Variants in FKTN observed in about 807,000 individuals in gnomAD.
FKTN encodes the protein ribitol-5-phosphate transferase FKTN.
FKTN carries 47 observed loss-of-function variants against 58.6 expected under a neutral mutation model. The observed-to-expected ratio is 0.80, with a 90% CI of 0.63 to 1.02. The LOEUF is 1.02. Among genes scored for constraint, FKTN ranks in the 50% least tolerant of loss-of-function variants. The pLI is 0.00. For synonymous variants in FKTN, 178 were observed against 191.9 expected, an observed-to-expected ratio of 0.93 and a Z score of 0.60; for missense variants, 516 against 537.3, an observed-to-expected ratio of 0.96 and a Z score of 0.39.
chr9:105,590,932 C>T lies in FKTN; in HGVS notation c.106-5666C>T, dbSNP rs545318258. ...GCAGCAGGTGAAGGGGGAGCCCGCACCTCACATGGCCAGAGCAGGAGGAAA... is the reference window on the plus strand; with the variant it reads ...GCAGCAGGTGAAGGGGGAGCCCGCATCTCACATGGCCAGAGCAGGAGGAAA... On this transcript the variant is annotated intron_variant, in intron 3 of 10. Transcript: ENST00000357998. 4.6e-5 allele frequency among the ~76,000 whole-genome samples: 7 copies of T among 152,234 alleles called. No individual in the cohort carries two copies. In the South Asian group the frequency reaches 1.5e-3, roughly 32 times the overall value.
Position 105,637,544 on chromosome 9 carries a change from T to A in FKTN, c.*2280T>A, listed in dbSNP as rs1024366. 1.2e-5 allele frequency: 12 copies of A among 985,292 alleles called. No homozygotes were observed. The South Asian group carries it at 5.6e-4, about 46-fold the overall frequency. 61.0% of individuals were successfully genotyped at this position (985,292 alleles called of 1,614,324 possible). A position where few individuals can be genotyped will look rare whatever the true frequency, so the allele number is the denominator to read the frequency against. On this transcript the variant is annotated 3_prime_UTR_variant, in exon 11 of 11. Transcript: ENST00000357998. ...TACTTCATCTTATGTATTTTAACAG[T>A]TGGGTTCTGTGGAGTGTCCAGAGAC...
At chr9:105,607,779 C>T in intron 6 of FKTN, 40 bp from the exon 7 acceptor site, 2 of 1,502,814 alleles carry the variant, frequency 1.3e-6, no homozygotes, top group Non-Finnish European at 1.9e-6. Flanking sequence ...CTCCCTGTTT[C>T]CCCCACCCCT....
chr9:105,609,242 TTAATC>T (rs1829466312), intron 7 of FKTN, among the ~76,000 whole-genome samples: 1 of 152,120 alleles, frequency 6.6e-6, no homozygotes, highest in Non-Finnish European at 1.5e-5. Flanking sequence ...AAGCAATAAA[TTAATC>T]TAATAGACCT....
intron 3 of FKTN, among the ~76,000 whole-genome samples, chr9:105,575,775 A>G (rs893731406): frequency 2.0e-5 from 3 of 152,060 alleles, no homozygotes; most frequent in Middle Eastern, 3.2e-3. Context: ...TTTTGTTTTT[A>G]TGTTTTTATC....
chr9:105,590,280 T>C (rs1043508101), intron 3 of FKTN, among the ~76,000 whole-genome samples: 2 of 152,188 alleles, frequency 1.3e-5, no homozygotes, highest in African/African-American at 2.4e-5. Context: ...CTCCTTTTGC[T>C]TGATTCTGAT....
At chr9:105,584,437 C>G in intron 3 of FKTN, among the ~76,000 whole-genome samples, 1 of 151,994 alleles carries the variant, frequency 6.6e-6, no homozygotes, top group South Asian at 2.1e-4. Flanking sequence ...ATTATTCATA[C>G]TAGATTCTTG....
intron 3 of FKTN, among the ~76,000 whole-genome samples, chr9:105,584,689 G>A (rs542413287): frequency 1.1e-4 from 16 of 152,140 alleles, no homozygotes; most frequent in South Asian, 6.2e-4. Flanking sequence ...GCATGGTGGC[G>A]TGTGCCTGTA....
intron 7 of FKTN, among the ~76,000 whole-genome samples, chr9:105,614,034 T>G (rs748802906): frequency 6.6e-6 from 1 of 152,094 alleles, no homozygotes; most frequent in South Asian, 2.1e-4. Flanking sequence ...TGTGGTATAT[T>G]TGGGGGTTTA....
intron 10 of FKTN, among the ~76,000 whole-genome samples, chr9:105,624,113 G>A (rs573764965): frequency 3.9e-5 from 6 of 152,076 alleles, no homozygotes; most frequent in Non-Finnish European, 7.4e-5. Flanking sequence ...ATATTGCCAG[G>A]TTGCATTCCT....
chr9:105,616,491 A>G (rs1051544356), intron 8 of FKTN, among the ~76,000 whole-genome samples: 3 of 152,194 alleles, frequency 2.0e-5, no homozygotes, highest in South Asian at 2.1e-4. Flanking sequence ...GCAGGTTGCT[A>G]TTAGAATCTG....
At chr9:105,596,407 G>A (rs1826810740) in intron 3 of FKTN, among the ~76,000 whole-genome samples, 191 bp from the exon 4 acceptor site, 1 of 152,060 alleles carries the variant, frequency 6.6e-6, no homozygotes, top group Non-Finnish European at 1.5e-5. Context: ...ATCTATCGAT[G>A]TTTTCCATCT....
At chr9:105,569,715 A>G (rs907583502) in intron 1 of FKTN, among the ~76,000 whole-genome samples, 3 of 152,190 alleles carry the variant, frequency 2.0e-5, no homozygotes, top group African/African-American at 7.2e-5. Context: ...TACCATAATT[A>G]TATATTAATC....
chr9:105,582,749 A>T (rs1353087344), intron 3 of FKTN, among the ~76,000 whole-genome samples: 1 of 152,202 alleles, frequency 6.6e-6, no homozygotes, highest in African/African-American at 2.4e-5. Flanking sequence ...TTCTAGATCT[A>T]ATATGCACAT....
intron 4 of FKTN, chr9:105,598,166 A>G (rs1435755752): frequency 2.1e-6 from 1 of 468,470 alleles, no homozygotes. Context: ...AAAGTTGAAG[A>G]GCAGCTTACC....
At position 105,564,665 on chromosome 9, in the gene FKTN, C is replaced by T. The variant is rs187464398; in HGVS notation, c.-181+6500C>T. On this transcript the variant is annotated intron_variant, in intron 1 of 10. Transcript: ENST00000357998. The stretch of plus-strand genomic sequence containing the variant: ...GGACTATGTGAAAAGACCAAATCTG[C>T]GTCCGATTGGTGTACCTGAAAGTGA... 6.0e-4 allele frequency among the ~76,000 whole-genome samples: 91 copies of T among 152,270 alleles called. 2 individuals carry two copies. The highest frequency in any genetic ancestry group is 5.2e-3 in the Admixed American group (80 of 15,296).
chr9:105,581,563 T>C (rs1842919075), intron 3 of FKTN, among the ~76,000 whole-genome samples: 1 of 151,878 alleles, frequency 6.6e-6, no homozygotes, highest in Non-Finnish European at 1.5e-5. Context: ...ACCACTGCTC[T>C]CTTCAAAGCT....
At chr9:105,624,653 A>T (rs1260311391) in intron 10 of FKTN, among the ~76,000 whole-genome samples, 1 of 150,990 alleles carries the variant, frequency 6.6e-6, no homozygotes, top group Non-Finnish European at 1.5e-5. Flanking sequence ...AAAAAGAATC[A>T]TTACTTTTCT....
At chr9:105,602,464 G>A (rs1309659998) in intron 5 of FKTN, among the ~76,000 whole-genome samples, 1 of 152,246 alleles carries the variant, frequency 6.6e-6, no homozygotes, top group East Asian at 1.9e-4. Context: ...ATAGTCAAGA[G>A]GAAGAAGCAA....
At chr9:105,621,094 G>A (rs998916381) in intron 10 of FKTN, among the ~76,000 whole-genome samples, 1 of 152,104 alleles carries the variant, frequency 6.6e-6, no homozygotes, top group Non-Finnish European at 1.5e-5. Flanking sequence ...TTTCTGGAGA[G>A]AAAAAGCTTC....
Sources: allele counts gnomAD v4.1 joint callset (sites outside exome capture counted in the v4.1 genomes callset), GRCh38; gene constraint gnomAD v4.1.1; transcripts MANE v1.5; gene names NCBI Gene and HGNC (gene_info 2026-07-23, HGNC 2026-07-21).